UBA3: variants seen among roughly 807,000 people sequenced by gnomAD.
UBA3 encodes ubiquitin like modifier activating enzyme 3.
A neutral mutation model predicts 73.5 loss-of-function variants in UBA3; 26 were observed. The observed-to-expected ratio is 0.35, with a 90% CI of 0.26 to 0.49. The LOEUF is 0.49. Ranked by LOEUF, UBA3 falls within the 20% of genes least tolerant of loss-of-function variation. UBA3 has a pLI of 0.98. For missense variants in UBA3, 495 were observed against 555.6 expected, an observed-to-expected ratio of 0.89 and a Z score of 1.10; for synonymous variants, 217 against 191.2, an observed-to-expected ratio of 1.13 and a Z score of -1.11.
At chr3:69,077,644 G>A in intron 3 of UBA3, 154 bp downstream of exon 3, 1 of 775,410 alleles carries the variant, frequency 1.3e-6, no homozygotes, top group South Asian at 2.5e-5. Context: ...AAAATCAGTT[G>A]TGAATATTCA....
At chr3:69,078,360 A>G (rs1470941724) in intron 2 of UBA3, among the ~76,000 whole-genome samples, 1 of 152,250 alleles carries the variant, frequency 6.6e-6, no homozygotes, top group Non-Finnish European at 1.5e-5. Flanking sequence ...TCTGATGCTT[A>G]TATGTCTGAT....
intron 7 of UBA3, 115 bp downstream of exon 7, chr3:69,063,953 T>G: frequency 6.8e-6 from 6 of 886,476 alleles, no homozygotes; most frequent in Non-Finnish European, 1.1e-5. Flanking sequence ...AAGCCAACAG[T>G]GAGAGAGGAA....
chr3:69,066,935 C>T (rs141631696), intron 6 of UBA3, among the ~76,000 whole-genome samples: 324 of 152,254 alleles, frequency 2.1e-3, no homozygotes, highest in African/African-American at 7.5e-3. Flanking sequence ...CTTCCCTATT[C>T]TGTTCTAGTC....
chr3:69,061,425 C>T (rs1266660730), intron 11 of UBA3, among the ~76,000 whole-genome samples: 2 of 152,224 alleles, frequency 1.3e-5, no homozygotes, highest in East Asian at 1.9e-4. Context: ...GAACTCCTGA[C>T]CTCAGGTGAT....
rs557489863 is a variant in UBA3, at chr3:69,067,785, T to G, written c.428+143A>C. 5.3e-4 allele frequency: 276 copies of G among 525,392 alleles called. 2 individuals carry two copies. The highest frequency in any genetic ancestry group is 5.1e-4 in the Middle Eastern group (1 of 1,974). The allele number at this position is 525,392 out of a possible 1,614,324, so 32.5% of individuals were successfully genotyped here. On this transcript the variant is annotated intron_variant, in intron 6 of 17. Coordinates refer to ENST00000361055, the MANE Select transcript of UBA3 (RefSeq NM_003968.4). ...ACTGGAAGAATAGATAGCAAAATGT[T>G]ACCAGCAGTTATCTCAGTAATAAAG...
chr3:69,063,088 A>T lies in UBA3; in HGVS notation c.587T>A (p.Val196Asp). Residue 196 changes from valine (V) to aspartate (D), a missense_variant, in exon 9 of 18, where the codon GTC becomes GAC. Val to Asp is a radical substitution (Grantham distance 152, BLOSUM62 -3). Coordinates refer to ENST00000361055, the MANE Select transcript of UBA3 (RefSeq NM_003968.4). ...EDGVLDPSSIVPLIDGGTEGF... is the reference protein window; with the variant it reads ...EDGVLDPSSIDPLIDGGTEGF... Reference sequence around the variant, plus strand: ...TTCTGTCCCCCCATCTATCAAAGGGACAATGGAGCTTGGATCTAAGACACC... The same window carrying T: ...TTCTGTCCCCCCATCTATCAAAGGGTCAATGGAGCTTGGATCTAAGACACC... The T allele has an allele frequency of 5.0e-6, 8 of 1,614,104 alleles. No individual in the cohort carries two copies. The highest frequency in any genetic ancestry group is 5.9e-6 in the Non-Finnish European group (7 of 1,179,982).
chr3:69,056,689 A>G lies in UBA3; in HGVS notation c.1006T>C (p.Tyr336His). The change falls in exon 14 of 18, where the codon TAC becomes CAC. Residue 336 changes from tyrosine (Y) to histidine (H), a missense_variant. Coordinates refer to ENST00000361055, the MANE Select transcript of UBA3 (RefSeq NM_003968.4). ...ACCAAGTAATTATTCAAGGGAATGT[A>G]TGCACTGTAATGAAAAAATGTTCAT... ...TEVFKIATSA[Y>H]IPLNNYLVFN... The G allele has an allele frequency of 6.2e-7, 1 of 1,613,080 alleles. No individual in the cohort carries two copies.
At chr3:69,057,817 T>G (rs2091986503) in intron 11 of UBA3, among the ~76,000 whole-genome samples, 2 of 151,994 alleles carry the variant, frequency 1.3e-5, no homozygotes, top group Non-Finnish European at 2.9e-5. Context: ...GTCACTTGAT[T>G]CACAAACATT....
At chr3:69,070,147 A>T (rs2092109870) in intron 5 of UBA3, among the ~76,000 whole-genome samples, 2 of 152,250 alleles carry the variant, frequency 1.3e-5, no homozygotes, top group African/African-American at 4.8e-5. Context: ...CTGTATCAAT[A>T]ACAAATCAAT....
intron 14 of UBA3, 73 bp from the exon 15 acceptor site, chr3:69,056,356 A>G (rs2091973772): frequency 1.6e-6 from 2 of 1,252,410 alleles, no homozygotes; most frequent in Admixed American, 2.7e-5. Flanking sequence ...ACAATAAAAT[A>G]AAAATCAGGT....
At position 69,075,494 on chromosome 3, in the gene UBA3, A is replaced by G. The variant is rs368391234; in HGVS notation, c.200T>C (p.Leu67Ser). 3.2e-6 allele frequency: 5 copies of G among 1,559,130 alleles called. No individual in the cohort carries two copies. The highest frequency in any genetic ancestry group is 4.3e-6 in the Non-Finnish European group (5 of 1,156,522). The change falls in exon 4 of 18, where the codon TTA becomes TCA. Residue 67 changes from leucine (L) to serine (S), a missense_variant. Transcript: ENST00000361055. Reference protein sequence around the residue: ...EPSTESLQFLLDTCKVLVIGA... With the variant: ...EPSTESLQFLSDTCKVLVIGA... ...AATGACTAGAACTTTACATGTATCT[A>G]ACAAGAACTGGAGAGACTGTAAAGA...
At position 69,075,496 on chromosome 3, in the gene UBA3, C is replaced by G. The variant is rs758995057; in HGVS notation, c.198G>C (p.Leu66Phe). 6.4e-7 allele frequency: 1 copy of G among 1,558,028 alleles called. No homozygotes were observed. ...TGACTAGAACTTTACATGTATCTAA[C>G]AAGAACTGGAGAGACTGTAAAGAAT... Reference protein sequence around the residue: ...FEPSTESLQFLLDTCKVLVIG... With the variant: ...FEPSTESLQFFLDTCKVLVIG... The change falls in exon 4 of 18, where the codon TTG becomes TTC. Residue 66 changes from leucine (L) to phenylalanine (F), a missense_variant. Coordinates refer to ENST00000361055, the MANE Select transcript of UBA3 (RefSeq NM_003968.4).
intron 6 of UBA3, among the ~76,000 whole-genome samples, chr3:69,064,643 T>C (rs2107488985): frequency 6.6e-6 from 1 of 152,338 alleles, no homozygotes; most frequent in Non-Finnish European, 1.5e-5. Context: ...GAATTTTTTC[T>C]ACCTTTCTCA....
intron 3 of UBA3, among the ~76,000 whole-genome samples, chr3:69,076,118 T>C (rs997065348): frequency 6.6e-6 from 1 of 152,218 alleles, no homozygotes; most frequent in African/African-American, 2.4e-5. Flanking sequence ...TTTTTTAATT[T>C]TTGCAAAGGG....
intron 11 of UBA3, among the ~76,000 whole-genome samples, chr3:69,057,546 G>C (rs2091984741): frequency 6.6e-6 from 1 of 152,172 alleles, no homozygotes; most frequent in African/African-American, 2.4e-5. Context: ...ATAGAAAGGT[G>C]AAACAATAAC....
chr3:69,063,792 A>C (rs185278904), intron 7 of UBA3, among the ~76,000 whole-genome samples: 1 of 152,330 alleles, frequency 6.6e-6, no homozygotes, highest in Non-Finnish European at 1.5e-5. Flanking sequence ...CAACAAAAAA[A>C]CCACAAGCAC....
At chr3:69,062,831 C>T in intron 9 of UBA3, 151 bp downstream of exon 9, 1 of 931,960 alleles carries the variant, frequency 1.1e-6, no homozygotes, top group South Asian at 1.9e-5. Context: ...TCAAATAGAG[C>T]AGAATTTCAT....
intron 17 of UBA3, 53 bp downstream of exon 17, chr3:69,055,798 C>A: frequency 6.5e-7 from 1 of 1,544,532 alleles, no homozygotes; most frequent in South Asian, 1.2e-5. Flanking sequence ...TTACTTTCAC[C>A]AAAAAGAGAG....
chr3:69,068,681 C>G (rs2092094953), intron 5 of UBA3, among the ~76,000 whole-genome samples: 1 of 152,086 alleles, frequency 6.6e-6, no homozygotes, highest in Non-Finnish European at 1.5e-5. Flanking sequence ...CTCCCAGGTT[C>G]AAGCAATTCT....
Sources: gnomAD v4.1 joint callset for allele counts (sites outside exome capture counted in the v4.1 genomes callset) on GRCh38, gnomAD v4.1.1 for gene constraint, MANE v1.5 for transcripts, NCBI Gene and HGNC (gene_info 2026-07-23, HGNC 2026-07-21) for gene names.